Variants in TACC2 observed in about 807,000 individuals in gnomAD.
The protein encoded by TACC2 is transforming acidic coiled-coil-containing protein 2.
Under a neutral mutation model 227.3 loss-of-function variants are expected in TACC2, and 137 were observed. That is an observed-to-expected ratio of 0.60 (90% CI 0.52 to 0.69). The LOEUF (loss-of-function observed/expected upper bound fraction) is 0.69, where lower values mean the gene tolerates loss of function less well. Ranked by LOEUF, TACC2 falls within the 30% of genes least tolerant of loss-of-function variation. The pLI is 0.00. For synonymous variants in TACC2, 1,523 were observed against 1,487.5 expected, an observed-to-expected ratio of 1.02 and a Z score of -0.55; for missense variants, 3,470 against 3,694.4, an observed-to-expected ratio of 0.94 and a Z score of 1.57.
At chr10:122,003,303 T>G (rs770810080) in intron 1 of TACC2, among the ~76,000 whole-genome samples, 1 of 152,214 alleles carries the variant, frequency 6.6e-6, no homozygotes, top group Non-Finnish European at 1.5e-5. Flanking sequence ...TATTTTTTCT[T>G]CTTTGTGCTT....
At chr10:122,139,874 G>A (rs1466473472) in intron 6 of TACC2, among the ~76,000 whole-genome samples, 2 of 152,164 alleles carry the variant, frequency 1.3e-5, no homozygotes, top group Non-Finnish European at 2.9e-5. Flanking sequence ...GACAGCCTGG[G>A]CCACTCTGGT....
At chr10:122,136,001 G>A (rs371661083) in intron 6 of TACC2, among the ~76,000 whole-genome samples, 3 of 152,128 alleles carry the variant, frequency 2.0e-5, no homozygotes, top group South Asian at 4.2e-4. Flanking sequence ...GCTTCCTCCC[G>A]GCATGAGGGG....
chr10:122,120,807 C>G (rs987726097), intron 5 of TACC2, among the ~76,000 whole-genome samples: 2 of 151,952 alleles, frequency 1.3e-5, no homozygotes, highest in African/African-American at 4.8e-5. Context: ...GTCGTCCAGG[C>G]TGGAGTGCAG....
intron 7 of TACC2, among the ~76,000 whole-genome samples, chr10:122,168,164 C>T (rs2093291053): frequency 6.6e-6 from 1 of 151,750 alleles, no homozygotes. Context: ...TTCAGCCTCC[C>T]GAAGTGTTGG....
rs549701115 is a variant in TACC2 at position 122,223,195 on chromosome 10, A to T, written c.7547-1531A>T. On this transcript the variant is annotated intron_variant, in intron 11 of 22. Transcript: ENST00000369005. ...TAGCCTCCCAAGTAGCTGGAACTAC[A>T]GGTATGTGCCCGGCTAATTTTAGTA... 2.0e-5 allele frequency among the ~76,000 whole-genome samples: 3 copies of T among 151,962 alleles called. No homozygotes were observed. The East Asian group carries it at 5.9e-4, about 30-fold the overall frequency.
At chr10:122,165,692 C>T (rs2093120268) in intron 7 of TACC2, among the ~76,000 whole-genome samples, 1 of 152,198 alleles carries the variant, frequency 6.6e-6, no homozygotes, top group African/African-American at 2.4e-5. Flanking sequence ...CCGCCTGAGG[C>T]TTCTCTCCCT....
At chr10:122,117,740 G>A (rs1406041483) in intron 5 of TACC2, among the ~76,000 whole-genome samples, 3 of 152,296 alleles carry the variant, frequency 2.0e-5, no homozygotes, top group Non-Finnish European at 2.9e-5. Context: ...TAGAATAGAA[G>A]GCTCCTGGCT....
At chr10:122,007,789 T>G (rs1955365004) in intron 1 of TACC2, among the ~76,000 whole-genome samples, 1 of 152,220 alleles carries the variant, frequency 6.6e-6, no homozygotes, top group Non-Finnish European at 1.5e-5. Context: ...TCATTGAAAT[T>G]CAGTCCCCAA....
chr10:122,005,974 T>C (rs1212875878), intron 1 of TACC2, among the ~76,000 whole-genome samples: 1 of 152,090 alleles, frequency 6.6e-6, no homozygotes, highest in Non-Finnish European at 1.5e-5. Context: ...GGATTATAGG[T>C]GTAAGCTACC....
chr10:122,061,049 C>T (rs1364443569), intron 3 of TACC2, among the ~76,000 whole-genome samples: 2 of 145,612 alleles, frequency 1.4e-5, no homozygotes, highest in Non-Finnish European at 3.0e-5. Context: ...GTGGCTCACA[C>T]CTGTAATCCC....
intron 1 of TACC2, among the ~76,000 whole-genome samples, chr10:122,002,737 C>A (rs188569839): frequency 6.6e-6 from 1 of 152,222 alleles, no homozygotes; most frequent in Non-Finnish European, 1.5e-5. Flanking sequence ...GGATACTATC[C>A]ATTTCATTTT....
At chr10:122,040,198 C>T (rs1041554402) in intron 2 of TACC2, among the ~76,000 whole-genome samples, 15 of 152,094 alleles carry the variant, frequency 9.9e-5, no homozygotes, top group Non-Finnish European at 2.1e-4. Context: ...AAGGGTGACT[C>T]GTTTGGGGAG....
At chr10:121,995,945 G>A (rs1953419632) in intron 1 of TACC2, among the ~76,000 whole-genome samples, 1 of 152,124 alleles carries the variant, frequency 6.6e-6, no homozygotes, top group Non-Finnish European at 1.5e-5. Flanking sequence ...GTAAAGATGG[G>A]GTTTCACCCT....
chr10:121,994,066 C>T (rs1415038289), intron 1 of TACC2, among the ~76,000 whole-genome samples: 2 of 152,176 alleles, frequency 1.3e-5, no homozygotes, highest in East Asian at 1.9e-4. Context: ...TTTCTCCAGC[C>T]GCTTCGTTTC....
At chr10:122,065,156 A>G (rs1425921075) in intron 3 of TACC2, among the ~76,000 whole-genome samples, 2 of 152,188 alleles carry the variant, frequency 1.3e-5, no homozygotes, top group Non-Finnish European at 2.9e-5. Context: ...CTAAGTGTAC[A>G]GTTCAGTAGT....
Position 122,082,708 on chromosome 10 carries a change from C to T in TACC2, c.208C>T (p.Pro70Ser). ...TASESSASLD[P>S]CLVSPEVTEP... ...TTCTGAGAGTTCTGCCAGCCTGGAT[C>T]CATGCCTTGTGTCCCCAGAGGTGAC... Residue 70 changes from proline to serine, a missense_variant, in exon 4 of 23, where the codon CCA becomes TCA. By Grantham distance (74) the Pro-to-Ser change is moderately conservative. This residue lies in a region of TACC2 where 405 missense variants were observed against 389.6 expected (regional missense o/e 1.04). Transcript: ENST00000369005. 8 of 1,614,072 alleles carry T rather than the reference C, an allele frequency of 5.0e-6. No individual in the cohort carries two copies. Among genetic ancestry groups the T allele is most frequent in the Non-Finnish European group, 6.8e-6 (8 of 1,180,008 alleles).
At position 122,022,012 on chromosome 10, in the gene TACC2, C is replaced by G; in HGVS notation, c.31C>G (p.Gln11Glu). 1 of 1,614,110 alleles carries G rather than the reference C, an allele frequency of 6.2e-7. No individual in the cohort carries two copies. Among genetic ancestry groups the G allele is most frequent in the Non-Finnish European group, 8.5e-7 (1 of 1,179,992 alleles). The change falls in exon 2 of 23, where the codon CAG (glutamine) becomes GAG (glutamate). Residue 11 changes from glutamine (Q) to glutamate (E), a missense_variant and splice_region_variant. Coordinates refer to ENST00000369005, the MANE Select transcript of TACC2 (RefSeq NM_206862.4). MGNENSTSDN[Q>E]RTLSAQTPRS... ...CAATGAGAACAGCACCTCGGACAAC[C>G]AGGTGGGTGTCAGGAAGCTTCTCTC...
chr10:122,237,311 CCAT>C, intron 16 of TACC2, 81 bp from the exon 17 acceptor site: 1 of 1,314,322 alleles, frequency 7.6e-7, no homozygotes. Context: ...TACAATTGGC[CCAT>C]TCATGAGAGG....
At chr10:122,232,260 T>G (rs1374853392) in intron 16 of TACC2, among the ~76,000 whole-genome samples, 5 of 152,220 alleles carry the variant, frequency 3.3e-5, no homozygotes. Flanking sequence ...ATGAATTGCA[T>G]GCAGTTTGGC....
Sources: gnomAD v4.1 joint callset for allele counts (sites outside exome capture counted in the v4.1 genomes callset) on GRCh38, gnomAD v4.1.1 for gene constraint, gnomAD v4.1.1 regional missense constraint, MANE v1.5 for transcripts, NCBI Gene and HGNC (gene_info 2026-07-23, HGNC 2026-07-21) for gene names.